TMPRSS11F: variants seen among roughly 807,000 people sequenced by gnomAD.
TMPRSS11F encodes transmembrane serine protease 11F.
TMPRSS11F carries 47 observed loss-of-function variants against 60.2 expected under a neutral mutation model. That is an observed-to-expected ratio of 0.78 (90% confidence interval 0.62 to 1.00). TMPRSS11F has a LOEUF of 1.00. Among genes scored for constraint, TMPRSS11F ranks in the 50% least tolerant of loss-of-function variants. The pLI, the probability that TMPRSS11F is intolerant of heterozygous loss-of-function variation, is 0.00. For synonymous variants in TMPRSS11F, 166 were observed against 167.3 expected, an observed-to-expected ratio of 0.99 and a Z score of 0.06; for missense variants, 519 against 522.9, an observed-to-expected ratio of 0.99 and a Z score of 0.07.
At chr4:68,098,196 T>C (rs1004778169) in intron 2 of TMPRSS11F, among the ~76,000 whole-genome samples, 1 of 151,900 alleles carries the variant, frequency 6.6e-6, no homozygotes, top group African/African-American at 2.4e-5. Context: ...TCCTAGCTAC[T>C]CAGGAGGCTG....
At chr4:68,090,753 T>C (rs924255961) in intron 2 of TMPRSS11F, 112 bp from the exon 3 acceptor site, 1 of 1,454,348 alleles carries the variant, frequency 6.9e-7, no homozygotes, top group Non-Finnish European at 9.1e-7. Flanking sequence ...TTATTTCTAC[T>C]TAGTGTAAAA....
intron 1 of TMPRSS11F, among the ~76,000 whole-genome samples, chr4:68,106,881 ATTTT>A (rs945140311): frequency 3.3e-5 from 5 of 152,184 alleles, no homozygotes; most frequent in Non-Finnish European, 5.9e-5. Context: ...CTTTGAAAAC[ATTTT>A]TTAGACCTTC....
chr4:68,070,710 T>C (rs889048770), intron 5 of TMPRSS11F, among the ~76,000 whole-genome samples: 34 of 152,210 alleles, frequency 2.2e-4, no homozygotes, highest in Non-Finnish European at 4.3e-4. Flanking sequence ...TTCATTCATT[T>C]TCATTATAAC....
intron 7 of TMPRSS11F, among the ~76,000 whole-genome samples, chr4:68,065,700 G>A (rs1723310735): frequency 6.6e-6 from 1 of 151,798 alleles, no homozygotes; most frequent in Non-Finnish European, 1.5e-5. Context: ...GAAATATATA[G>A]TAACTTGAAA....
chr4:68,087,415 G>A (rs1723834955), intron 3 of TMPRSS11F, among the ~76,000 whole-genome samples: 1 of 152,048 alleles, frequency 6.6e-6, no homozygotes, highest in South Asian at 2.1e-4. Context: ...ACACTGAATG[G>A]GCAAAAGCTG....
intron 4 of TMPRSS11F, among the ~76,000 whole-genome samples, chr4:68,073,723 T>C (rs1452878169): frequency 2.0e-5 from 3 of 152,192 alleles, no homozygotes; most frequent in African/African-American, 4.8e-5. Flanking sequence ...CTTGTGTTTG[T>C]TTCCTCTTTT....
rs539360805 is a variant in TMPRSS11F, at chr4:68,086,974, A to G, written c.282+3549T>C. Among the ~76,000 whole-genome samples, 4 of 152,294 alleles carry G rather than the reference A, an allele frequency of 2.6e-5. No individual in the cohort carries two copies. In the East Asian group the frequency reaches 7.7e-4, roughly 29 times the overall value. ...AAAAATGGGTACCAATCCTACTGAA[A>G]TTATTCCCAAAAAATCAGGAAGAAA... On this transcript the variant is annotated intron_variant, in intron 3 of 9. Coordinates refer to ENST00000356291, the MANE Select transcript of TMPRSS11F (RefSeq NM_207407.2).
At chr4:68,089,216 C>G (rs1464348163) in intron 3 of TMPRSS11F, among the ~76,000 whole-genome samples, 30 of 152,056 alleles carry the variant, frequency 2.0e-4, no homozygotes. Context: ...ATATAGAATA[C>G]AGGATTTTTT....
chr4:68,091,901 C>T (rs963179066), intron 2 of TMPRSS11F, among the ~76,000 whole-genome samples: 40 of 152,042 alleles, frequency 2.6e-4, no homozygotes, highest in African/African-American at 8.9e-4. Context: ...ATTCTCTTGA[C>T]TCAGCTTCCT....
chr4:68,066,658 G>A (rs1723334105), intron 7 of TMPRSS11F, among the ~76,000 whole-genome samples: 1 of 152,060 alleles, frequency 6.6e-6, no homozygotes, highest in Non-Finnish European at 1.5e-5. Flanking sequence ...AACTTAGGCC[G>A]GGCGCGGTGG....
chr4:68,124,036 T>A (rs1476922932), intron 1 of TMPRSS11F, among the ~76,000 whole-genome samples: 1 of 151,690 alleles, frequency 6.6e-6, no homozygotes, highest in Non-Finnish European at 1.5e-5. Flanking sequence ...GCCTGGCCAA[T>A]ATGGCGAAAC....
intron 9 of TMPRSS11F, 131 bp downstream of exon 9, chr4:68,059,183 GTTATTGTTATGA>G: frequency 1.2e-6 from 1 of 836,122 alleles, no homozygotes; most frequent in Non-Finnish European, 1.8e-6. Flanking sequence ...TACAATTATT[GTTATTGTTATGA>G]TTATTAAATA....
At chr4:68,056,711 A>AC (rs1170403939) in intron 9 of TMPRSS11F, among the ~76,000 whole-genome samples, 5 of 152,158 alleles carry the variant, frequency 3.3e-5, no homozygotes, top group Middle Eastern at 3.4e-3. Flanking sequence ...AGAAGCAAAA[A>AC]AAAACCTTGA....
chr4:68,066,375 G>A (rs1723328422), intron 7 of TMPRSS11F, among the ~76,000 whole-genome samples: 1 of 152,080 alleles, frequency 6.6e-6, no homozygotes, highest in South Asian at 2.1e-4. Context: ...CAATAAGAAA[G>A]GAAGCCTCAC....
chr4:68,075,460 T>C (rs1365429964), intron 3 of TMPRSS11F, among the ~76,000 whole-genome samples: 1 of 152,144 alleles, frequency 6.6e-6, no homozygotes, highest in African/African-American at 2.4e-5. Context: ...TGGCCCCTAC[T>C]TTGCCCCATC....
intron 3 of TMPRSS11F, among the ~76,000 whole-genome samples, chr4:68,083,517 A>T (rs1723747938): frequency 6.6e-6 from 1 of 152,156 alleles, no homozygotes; most frequent in South Asian, 2.1e-4. Context: ...TTCTTCCAAA[A>T]CACATGCTTA....
At chr4:68,074,921 C>T (rs1313831943) in intron 3 of TMPRSS11F, among the ~76,000 whole-genome samples, 3 of 152,124 alleles carry the variant, frequency 2.0e-5, no homozygotes, top group Non-Finnish European at 4.4e-5. Context: ...ACATGGCAAA[C>T]TCCATTTCTA....
chr4:68,095,604 A>T (rs1724056008), intron 2 of TMPRSS11F, among the ~76,000 whole-genome samples: 1 of 152,166 alleles, frequency 6.6e-6, no homozygotes, highest in African/African-American at 2.4e-5. Flanking sequence ...ATGATAAAAA[A>T]GCACATGCCC....
chr4:68,088,208 C>A (rs1723855457), intron 3 of TMPRSS11F, among the ~76,000 whole-genome samples: 1 of 151,338 alleles, frequency 6.6e-6, no homozygotes, highest in Admixed American at 6.6e-5. Flanking sequence ...ATCTACCAAG[C>A]AAATGGAAAA....
Sources: gnomAD v4.1 joint callset for allele counts (sites outside exome capture counted in the v4.1 genomes callset) on GRCh38, gnomAD v4.1.1 for gene constraint, MANE v1.5 for transcripts, NCBI Gene and HGNC (gene_info 2026-07-23, HGNC 2026-07-21) for gene names.